Variants in MPV17L2 observed in about 807,000 individuals in gnomAD.
MPV17L2 encodes the protein mpv17-like protein 2.
A neutral mutation model predicts 24.2 loss-of-function variants in MPV17L2; 25 were observed. That is an observed-to-expected ratio of 1.03 (90% CI 0.75 to 1.44). The LOEUF (loss-of-function observed/expected upper bound fraction) is 1.44. MPV17L2 is among the 40% of genes most tolerant of loss of function. The probability of loss-of-function intolerance (pLI) is 0.00; values close to 1 mark genes in which losing one functional copy is unlikely to be tolerated. For synonymous variants in MPV17L2, 130 were observed against 121.4 expected (o/e 1.07, Z -0.46); for missense variants, 271 against 276.2 (o/e 0.98, Z 0.13).
In MPV17L2 at chr19:18,193,988, G is replaced by A. The variant is rs771224654; in HGVS notation, c.312G>A (p.Val104=). Residue 104 remains valine, a synonymous_variant, in exon 2 of 5, where the codon GTG becomes GTA. Transcript: ENST00000599612. ...GFPNVLKKVL[V]DQLVASPLLG... is the part of the protein sequence containing the mutation. The stretch of plus-strand genomic sequence containing the variant: ...CAAATGTCCTCAAGAAGGTCCTCGT[G>A]GATCAGCTGGTAGCCTCTCCATTGC... The A allele has an allele frequency of 1.2e-5, 19 of 1,614,254 alleles. No homozygotes were observed. Among genetic ancestry groups the A allele is most frequent in the Non-Finnish European group, 1.6e-5 (19 of 1,180,046 alleles).
intron 4 of MPV17L2, among the ~76,000 whole-genome samples, chr19:18,195,310 C>T (rs2147977682): frequency 6.6e-6 from 1 of 152,196 alleles, no homozygotes; most frequent in Admixed American, 6.5e-5. Flanking sequence ...CTTTGGGAGG[C>T]CGAAGCGGGT....
At position 18,193,289 on chromosome 19, in the gene MPV17L2, G is replaced by T. The variant is rs780288310; in HGVS notation, c.8G>T (p.Arg3Leu). The change falls in exon 1 of 5, where the codon CGG becomes CTG. Residue 3 changes from arginine (R) to leucine (L), a missense_variant. Coordinates refer to ENST00000599612, the MANE Select transcript of MPV17L2 (RefSeq NM_032683.3). MA[R>L]GGWRRLRRLL... is the part of the protein sequence containing the mutation. ...CCTTGGTTCCTGAGGGCGATGGCGCGGGGTGGCTGGCGCCGGCTACGCCGC... is the reference window on the plus strand; with the variant it reads ...CCTTGGTTCCTGAGGGCGATGGCGCTGGGTGGCTGGCGCCGGCTACGCCGC... 2 of 1,540,486 alleles carry T rather than the reference G, an allele frequency of 1.3e-6. No homozygotes were observed. Among genetic ancestry groups the T allele is most frequent in the Non-Finnish European group, 1.7e-6 (2 of 1,151,000 alleles).
chr19:18,194,625 C>T (rs968492922), intron 2 of MPV17L2, 152 bp from the exon 3 acceptor site: 1 of 637,902 alleles, frequency 1.6e-6, no homozygotes, highest in South Asian at 1.9e-5. Context: ...AATTCTCTGT[C>T]CATCCCATCT....
rs548583955 is a variant in MPV17L2 at position 18,196,444 on chromosome 19, G to T, written c.*389G>T. 7.9e-5 allele frequency: 103 copies of T among 1,300,364 alleles called. No homozygotes were observed. The highest frequency in any genetic ancestry group is 1.0e-4 in the Non-Finnish European group (101 of 995,964). 80.6% of individuals were successfully genotyped at this position (1,300,364 alleles called of 1,614,324 possible). On this transcript the variant is annotated 3_prime_UTR_variant, in exon 5 of 5. Transcript: ENST00000599612. ...CCTCAGGTCCTGGGACTAAGGCGGGGACATGACTGATCCCCTCAGAGCAGG... is the reference window on the plus strand; with the variant it reads ...CCTCAGGTCCTGGGACTAAGGCGGGTACATGACTGATCCCCTCAGAGCAGG...
chr19:18,193,336 C>T lies in MPV17L2; in HGVS notation c.55C>T (p.Leu19=). Residue 19 remains leucine (L), a synonymous_variant, in exon 1 of 5, where the codon CTA becomes TTA. Coordinates refer to ENST00000599612, the MANE Select transcript of MPV17L2 (RefSeq NM_032683.3). ...CCGCCTGTTATCCGCGGGGCAGCTT[C>T]TATTCCAGGGCCGCGCGCTGCTCGT... ...LRRLLSAGQL[L]FQGRALLVTN... 1.9e-6 allele frequency: 3 copies of T among 1,563,188 alleles called. No individual in the cohort carries two copies. The highest frequency in any genetic ancestry group is 1.2e-5 in the South Asian group (1 of 85,622).
chr19:18,193,574 C>G, intron 1 of MPV17L2, 106 bp downstream of exon 1: 1 of 1,411,314 alleles, frequency 7.1e-7, no homozygotes, highest in Non-Finnish European at 9.2e-7. Context: ...CCCGCAGGAC[C>G]CTTGCCCTGA....
rs376294956 is a variant in MPV17L2 at position 18,193,950 on chromosome 19, C to A, written c.274C>A (p.Leu92Ile). ...GGACCGCCTATTCCCTGCGTCTGGCCTCCGAGGCTTCCCAAATGTCCTCAA... is the reference window on the plus strand; with the variant it reads ...GGACCGCCTATTCCCTGCGTCTGGCATCCGAGGCTTCCCAAATGTCCTCAA... ...SLDRLFPASGLRGFPNVLKKV... is the reference protein window; with the variant it reads ...SLDRLFPASGIRGFPNVLKKV... Residue 92 changes from leucine (L) to isoleucine (I), a missense_variant, in exon 2 of 5, where the codon CTC becomes ATC. Leu to Ile is a conservative substitution (Grantham distance 5). Coordinates refer to ENST00000599612, the MANE Select transcript of MPV17L2 (RefSeq NM_032683.3). 25 of 1,614,132 alleles carry A rather than the reference C, an allele frequency of 1.5e-5. No homozygotes were observed. In the African/African-American group the frequency reaches 2.5e-4, roughly 16 times the overall value.
intron 4 of MPV17L2, 152 bp downstream of exon 4, chr19:18,195,238 C>T (rs905692287): frequency 1.7e-5 from 23 of 1,327,926 alleles, no homozygotes; most frequent in Admixed American, 5.4e-5. Context: ...CGGAGAGCTC[C>T]TCACTAGCAG....
chr19:18,195,224 C>A, intron 4 of MPV17L2, 138 bp downstream of exon 4: 1 of 1,385,934 alleles, frequency 7.2e-7, no homozygotes, highest in South Asian at 1.4e-5. Flanking sequence ...CAACAGTGGG[C>A]TGGCGGAGAG....
intron 3 of MPV17L2, 29 bp from the exon 4 acceptor site, chr19:18,194,929 C>T (rs1967484710): frequency 1.2e-6 from 2 of 1,606,110 alleles, no homozygotes; most frequent in Non-Finnish European, 8.5e-7. Flanking sequence ...GCTCTGGCCC[C>T]GCCCCTCATC....
intron 1 of MPV17L2, 148 bp downstream of exon 1, chr19:18,193,616 C>T: frequency 7.1e-7 from 1 of 1,407,656 alleles, no homozygotes; most frequent in Admixed American, 3.0e-5. Context: ...TGTCTCCCCG[C>T]AGCTCTGGGT....
Position 18,194,034 on chromosome 19 carries a change from G to C in MPV17L2, c.358G>C (p.Gly120Arg), listed in dbSNP as rs762050421. 48 of 1,613,616 alleles carry C rather than the reference G, an allele frequency of 3.0e-5. No homozygotes were observed. In the Admixed American group the frequency reaches 4.7e-4, roughly 16 times the overall value. Residue 120 changes from glycine (G) to arginine (R), a missense_variant and splice_region_variant, in exon 2 of 5, where the codon GGC becomes CGC. Gly to Arg is a moderately radical substitution (Grantham distance 125, BLOSUM62 -2). Transcript: ENST00000599612. ...SPLLGVWYFL[G>R]LGCLEGQTVG... ...ATTGCTGGGCGTCTGGTACTTCTTG[G>C]GTAAGGAGCCTCCTAAGCCTAGGCT...
At position 18,195,085 on chromosome 19, in the gene MPV17L2, G is replaced by C. The variant is rs202082460; in HGVS notation, c.563G>C (p.Arg188Pro). The stretch of plus-strand genomic sequence containing the variant: ...ACGTACCTGTCCTACTTGAAGTACC[G>C]GGTGAGTGTGGAGGGCATACCAGGC... ...WDTYLSYLKY[R>P]SPVPLTPPGC... Residue 188 changes from arginine (R) to proline (P), a missense_variant and splice_region_variant, in exon 4 of 5, where the codon CGG becomes CCG. Coordinates refer to ENST00000599612, the MANE Select transcript of MPV17L2 (RefSeq NM_032683.3). The C allele has an allele frequency of 1.2e-6, 2 of 1,613,654 alleles. No homozygotes were observed. Among genetic ancestry groups the C allele is most frequent in the African/African-American group, 1.3e-5 (1 of 74,912 alleles).
Position 18,194,995 on chromosome 19 carries a change from A to C in MPV17L2, c.473A>C (p.Asn158Thr). 1 of 1,613,724 alleles carries C rather than the reference A, an allele frequency of 6.2e-7. No individual in the cohort carries two copies. Among genetic ancestry groups the C allele is most frequent in the East Asian group, 2.2e-5 (1 of 44,882 alleles). The change falls in exon 4 of 5, where the codon AAC becomes ACC. Residue 158 changes from asparagine (N) to threonine (T), a missense_variant. By Grantham distance (65) the Asn-to-Thr change is moderately conservative. Transcript: ENST00000599612. ...GTGTGGCCTGCTGCGCAGTTCGTGA[A>C]CTTCCTCTTCGTGCCCCCCCAATTT... ...WCVWPAAQFV[N>T]FLFVPPQFRV...
intron 3 of MPV17L2, 28 bp from the exon 4 acceptor site, chr19:18,194,930 G>T (rs1264648346): frequency 3.6e-6 from 3 of 830,604 alleles, no homozygotes; most frequent in Non-Finnish European, 5.3e-6. Context: ...CTCTGGCCCC[G>T]CCCCTCATCC....
intron 4 of MPV17L2, 144 bp downstream of exon 4, chr19:18,195,230 G>C: frequency 7.3e-7 from 1 of 1,368,498 alleles, no homozygotes; most frequent in African/African-American, 1.5e-5. Flanking sequence ...TGGGCTGGCG[G>C]AGAGCTCCTC....
Position 18,193,311 on chromosome 19 carries a change from C to T in MPV17L2, c.30C>T (p.Arg10=). MARGGWRRL[R]RLLSAGQLLF... The stretch of plus-strand genomic sequence containing the variant: ...CGCGGGGTGGCTGGCGCCGGCTACG[C>T]CGCCTGTTATCCGCGGGGCAGCTTC... Residue 10 remains arginine, a synonymous_variant, in exon 1 of 5, where the codon CGC becomes CGT. Coordinates refer to ENST00000599612, the MANE Select transcript of MPV17L2 (RefSeq NM_032683.3). The T allele has an allele frequency of 6.4e-7, 1 of 1,552,710 alleles. No individual in the cohort carries two copies. The highest frequency in any genetic ancestry group is 8.7e-7 in the Non-Finnish European group (1 of 1,155,954).
chr19:18,193,680 G>A, intron 1 of MPV17L2, 184 bp from the exon 2 acceptor site: 1 of 1,431,892 alleles, frequency 7.0e-7, no homozygotes, highest in Non-Finnish European at 9.1e-7. Context: ...GGAGCCTCTG[G>A]AGCCGCGCCT....
rs1333037616 is a variant in MPV17L2, at chr19:18,195,084, C to T, written c.562C>T (p.Arg188Trp). ...WDTYLSYLKY[R>W]SPVPLTPPGC... The stretch of plus-strand genomic sequence containing the variant: ...CACGTACCTGTCCTACTTGAAGTAC[C>T]GGGTGAGTGTGGAGGGCATACCAGG... The change falls in exon 4 of 5, where the codon CGG becomes TGG. Residue 188 changes from arginine (R) to tryptophan (W), a missense_variant and splice_region_variant. Physicochemically the swap from Arg to Trp is moderately radical, Grantham distance 101 (BLOSUM62 -3). Coordinates refer to ENST00000599612, the MANE Select transcript of MPV17L2 (RefSeq NM_032683.3). The T allele has an allele frequency of 1.9e-6, 3 of 1,613,714 alleles. No individual in the cohort carries two copies. Among genetic ancestry groups the T allele is most frequent in the East Asian group, 2.2e-5 (1 of 44,900 alleles).
Sources: allele counts gnomAD v4.1 joint callset (sites outside exome capture counted in the v4.1 genomes callset), GRCh38; gene constraint gnomAD v4.1.1; transcripts MANE v1.5; gene names NCBI Gene and HGNC (gene_info 2026-07-23, HGNC 2026-07-21).